DOCK5: variants seen among roughly 807,000 people sequenced by gnomAD.
DOCK5 encodes the protein dedicator of cytokinesis 5.
DOCK5 carries 142 observed loss-of-function variants against 251.8 expected under a neutral mutation model. The ratio of observed to expected loss-of-function variants is 0.56; its 90% confidence interval spans 0.49 to 0.65. DOCK5 has a LOEUF of 0.65. Among genes scored for constraint, DOCK5 ranks in the 30% least tolerant of loss-of-function variants. DOCK5 has a pLI of 0.00. For synonymous variants in DOCK5, 842 were observed against 835.5 expected, an observed-to-expected ratio of 1.01 and a Z score of -0.13; for missense variants, 2,111 against 2,312.3, an observed-to-expected ratio of 0.91 and a Z score of 1.79.
At chr8:25,294,597 G>C (rs1379834084) in intron 6 of DOCK5, among the ~76,000 whole-genome samples, 1 of 152,132 alleles carries the variant, frequency 6.6e-6, no homozygotes, top group African/African-American at 2.4e-5. Context: ...GTATTCCCAA[G>C]CATATGCAGA....
chr8:25,277,432 T>TA (rs200508223), intron 4 of DOCK5: 304 of 148,758 alleles, frequency 2.0e-3, no homozygotes, highest in South Asian at 6.6e-3. Flanking sequence ...TCCAAAACAG[T>TA]AAAAAAAAAG....
intron 40 of DOCK5, among the ~76,000 whole-genome samples, chr8:25,386,599 AAAAAT>A (rs774188567): frequency 6.6e-5 from 10 of 152,184 alleles, no homozygotes; most frequent in African/African-American, 1.7e-4. Flanking sequence ...CCCTGTCTCA[AAAAAT>A]AAAATAAAAA....
At chr8:25,318,546 C>A (rs2117196647) in intron 14 of DOCK5, among the ~76,000 whole-genome samples, 1 of 138,410 alleles carries the variant, frequency 7.2e-6, no homozygotes, top group East Asian at 2.2e-4. Context: ...CCTTCCCCCT[C>A]CACTTCCCTT....
chr8:25,221,841 C>T (rs958378606), intron 1 of DOCK5, among the ~76,000 whole-genome samples: 4 of 152,132 alleles, frequency 2.6e-5, no homozygotes, highest in Non-Finnish European at 5.9e-5. Context: ...CTGTCCAGAG[C>T]CCCAGGGTTA....
intron 33 of DOCK5, among the ~76,000 whole-genome samples, 168 bp downstream of exon 33, chr8:25,368,893 T>G (rs969474918): frequency 6.6e-6 from 1 of 152,254 alleles, no homozygotes; most frequent in African/African-American, 2.4e-5. Flanking sequence ...AGTCAGACAG[T>G]GCAACCCAGA....
intron 26 of DOCK5, among the ~76,000 whole-genome samples, chr8:25,351,182 C>T (rs1178687974): frequency 2.0e-5 from 3 of 152,118 alleles, no homozygotes; most frequent in African/African-American, 4.8e-5. Context: ...CTCAGCCTCC[C>T]GATTAGCTGG....
At chr8:25,297,040 G>A (rs1804634517) in intron 7 of DOCK5, among the ~76,000 whole-genome samples, 1 of 151,982 alleles carries the variant, frequency 6.6e-6, no homozygotes, top group Non-Finnish European at 1.5e-5. Flanking sequence ...GTAATCTCTT[G>A]CATTCATTGC....
At chr8:25,224,387 G>A (rs1211365760) in intron 1 of DOCK5, among the ~76,000 whole-genome samples, 1 of 152,180 alleles carries the variant, frequency 6.6e-6, no homozygotes, top group East Asian at 1.9e-4. Context: ...CCAAAGTGCT[G>A]GGATTACAGG....
intron 10 of DOCK5, 116 bp from the exon 11 acceptor site, chr8:25,304,138 CT>C: frequency 1.2e-6 from 1 of 843,674 alleles, no homozygotes; most frequent in Non-Finnish European, 1.7e-6. Context: ...AAAAAAGTCC[CT>C]GCTTAGTACC....
chr8:25,309,746 G>A (rs963143419), intron 12 of DOCK5, among the ~76,000 whole-genome samples: 3 of 151,926 alleles, frequency 2.0e-5, no homozygotes, highest in South Asian at 2.1e-4. Flanking sequence ...GCTTGAACTC[G>A]GGAGGCAAAA....
chr8:25,372,814 G>T (rs370179056), intron 35 of DOCK5, 96 bp downstream of exon 35: 27 of 1,256,120 alleles, frequency 2.1e-5, no homozygotes, highest in Non-Finnish European at 2.9e-5. Context: ...ACACAGAGGC[G>T]CCCTGAGGCA....
chr8:25,411,241 T>A lies in DOCK5; in HGVS notation c.5556T>A (p.Pro1852=). ...PVRREAKAPP[P]PPPKARKSGI... Reference sequence around the variant, plus strand: ...GAAGAGAAGCCAAAGCACCACCCCCTCCACCTCCAAAGGCTCGGAAGTCTG... The same window carrying A: ...GAAGAGAAGCCAAAGCACCACCCCCACCACCTCCAAAGGCTCGGAAGTCTG... Residue 1852 remains proline (P), a synonymous_variant, in exon 52 of 52, where the codon CCT becomes CCA. Coordinates refer to ENST00000276440, the MANE Select transcript of DOCK5 (RefSeq NM_024940.8). The A allele has an allele frequency of 6.3e-7, 1 of 1,591,492 alleles. No individual in the cohort carries two copies.
chr8:25,352,253 A>AAGGGAGGG (rs796810674), intron 27 of DOCK5, among the ~76,000 whole-genome samples: 2 of 131,630 alleles, frequency 1.5e-5, no homozygotes, highest in Non-Finnish European at 3.2e-5. Flanking sequence ...GCAGGGAGGG[A>AAGGGAGGG]AGGGAGGGAG....
At chr8:25,341,150 C>A (rs1325144573) in intron 23 of DOCK5, among the ~76,000 whole-genome samples, 162 bp downstream of exon 23, 1 of 152,090 alleles carries the variant, frequency 6.6e-6, no homozygotes. Context: ...AAAAAAAATC[C>A]ATTTTAACTT....
intron 3 of DOCK5, among the ~76,000 whole-genome samples, chr8:25,269,445 C>T (rs569790197): frequency 6.6e-6 from 1 of 152,074 alleles, no homozygotes; most frequent in South Asian, 2.1e-4. Flanking sequence ...TACTGTTTCA[C>T]GAAACTTTTA....
intron 47 of DOCK5, among the ~76,000 whole-genome samples, chr8:25,402,309 T>G (rs949810984): frequency 1.3e-5 from 2 of 151,818 alleles, no homozygotes; most frequent in Non-Finnish European, 2.9e-5. Context: ...TTTTTGTTTG[T>G]TTTTTGAGAC....
At chr8:25,368,062 C>T (rs896892938) in intron 31 of DOCK5, 130 bp from the exon 32 acceptor site, 18 of 687,382 alleles carry the variant, frequency 2.6e-5, no homozygotes, top group Middle Eastern at 3.2e-4. Flanking sequence ...AGGTATGAAC[C>T]TCATCTCTTA....
chr8:25,401,355 T>G (rs1246202066), intron 47 of DOCK5, among the ~76,000 whole-genome samples: 1 of 151,846 alleles, frequency 6.6e-6, no homozygotes, highest in African/African-American at 2.4e-5. Flanking sequence ...GATCTGGGGG[T>G]GGGGCCCAAG....
At chr8:25,323,734 C>T in intron 16 of DOCK5, 114 bp from the exon 17 acceptor site, 1 of 1,189,836 alleles carries the variant, frequency 8.4e-7, no homozygotes, top group Non-Finnish European at 1.2e-6. Flanking sequence ...CTCAGTTGTG[C>T]TTATTAGAAT....
Sources: allele counts gnomAD v4.1 joint callset (sites outside exome capture counted in the v4.1 genomes callset), GRCh38; gene constraint gnomAD v4.1.1; transcripts MANE v1.5; gene names NCBI Gene and HGNC (gene_info 2026-07-23, HGNC 2026-07-21).